The following DLG1 variants were observed in gnomAD, a reference collection of about 807,000 sequenced individuals.
The protein encoded by DLG1 is discs large MAGUK scaffold protein 1.
Under a neutral mutation model 123.4 loss-of-function variants are expected in DLG1, and 42 were observed. That is an observed-to-expected ratio of 0.34 (90% CI 0.27 to 0.44). DLG1 has a LOEUF of 0.44. Ranked by LOEUF, DLG1 falls within the 20% of genes least tolerant of loss-of-function variation. The pLI, the probability that DLG1 is intolerant of heterozygous loss-of-function variation, is 1.00. For missense variants in DLG1, 942 were observed against 1,082.6 expected, an observed-to-expected ratio of 0.87 and a Z score of 1.82; for synonymous variants, 317 against 356.2, an observed-to-expected ratio of 0.89 and a Z score of 1.24.
At chr3:197,052,370 G>A (rs984972222) in intron 23 of DLG1, among the ~76,000 whole-genome samples, 5 of 151,994 alleles carry the variant, frequency 3.3e-5, no homozygotes, top group Non-Finnish European at 5.9e-5. Context: ...CAGGAGAATC[G>A]CTTGAACCCA....
chr3:197,085,620 C>T lies in DLG1; in HGVS notation c.1798G>A (p.Gly600Ser), dbSNP rs752886711. ...ATCACTCCGACCTCATCGCTCTCACCATCTGGTGTAACCTGCCTGGCTTGC... is the reference window on the plus strand; with the variant it reads ...ATCACTCCGACCTCATCGCTCTCACTATCTGGTGTAACCTGCCTGGCTTGC... Reference protein sequence around the residue: ...WWQARQVTPDGESDEVGVIPS... With the variant: ...WWQARQVTPDSESDEVGVIPS... Residue 600 changes from glycine to serine, a missense_variant, in exon 16 of 25, where the codon GGT becomes AGT. Coordinates refer to ENST00000667157, the MANE Select transcript of DLG1 (RefSeq NM_001366207.1). 6.2e-7 allele frequency: 1 copy of T among 1,613,858 alleles called. No homozygotes were observed. The highest frequency in any genetic ancestry group is 8.5e-7 in the Non-Finnish European group (1 of 1,179,988).
chr3:197,204,388 C>A (rs991185504), intron 4 of DLG1, among the ~76,000 whole-genome samples: 2 of 152,204 alleles, frequency 1.3e-5, no homozygotes, highest in Non-Finnish European at 2.9e-5. Context: ...CACATCCAGA[C>A]AAACTGTTTT....
At chr3:197,063,718 A>G (rs560616707) in intron 22 of DLG1, among the ~76,000 whole-genome samples, 24 of 152,178 alleles carry the variant, frequency 1.6e-4, no homozygotes, top group Non-Finnish European at 3.2e-4. Flanking sequence ...GTTGGGGTAT[A>G]TCTTTGGAAT....
At chr3:197,200,911 C>T (rs534761600) in intron 4 of DLG1, among the ~76,000 whole-genome samples, 23 of 152,158 alleles carry the variant, frequency 1.5e-4, no homozygotes, top group Non-Finnish European at 2.9e-4. Flanking sequence ...AGCATTCCCT[C>T]TAAGAACTGG....
chr3:197,147,332 T>C (rs560231212), intron 6 of DLG1, among the ~76,000 whole-genome samples: 1 of 152,132 alleles, frequency 6.6e-6, no homozygotes, highest in Admixed American at 6.5e-5. Flanking sequence ...AAAAAGATAC[T>C]TGCACATGCA....
chr3:197,138,486 T>C, intron 8 of DLG1, 95 bp from the exon 9 acceptor site: 1 of 519,956 alleles, frequency 1.9e-6, no homozygotes, highest in Non-Finnish European at 2.7e-6. Context: ...TTTTTTAAGG[T>C]AAAGAGAATT....
At chr3:197,180,619 T>C (rs145946219) in intron 5 of DLG1, among the ~76,000 whole-genome samples, 5 of 152,100 alleles carry the variant, frequency 3.3e-5, no homozygotes, top group African/African-American at 1.2e-4. Context: ...TACAATGAAA[T>C]GATAAAACTG....
intron 15 of DLG1, 119 bp from the exon 16 acceptor site, chr3:197,085,875 G>T: frequency 2.3e-6 from 2 of 868,066 alleles, no homozygotes; most frequent in Non-Finnish European, 3.5e-6. Flanking sequence ...GCCAAATAAT[G>T]CCCAGTTCAA....
rs1721343627 is a variant in DLG1, at chr3:197,043,675, A to C, written c.*948T>G. On this transcript the variant is annotated 3_prime_UTR_variant, in exon 25 of 25. Transcript: ENST00000667157. ...TTATATATATATTTATATATATTTT[A>C]TTATAACAAAATAGGCAGCTATTGT... 1 of 151,264 alleles carries C rather than the reference A, an allele frequency of 6.6e-6. No individual in the cohort carries two copies. 9.4% of individuals were successfully genotyped at this position (151,264 alleles called of 1,614,324 possible). A position where few individuals can be genotyped will look rare whatever the true frequency, so the allele number is the denominator to read the frequency against.
chr3:197,066,803 G>C, intron 19 of DLG1, 49 bp from the exon 20 acceptor site: 1 of 1,273,798 alleles, frequency 7.9e-7, no homozygotes, highest in Non-Finnish European at 1.1e-6. Flanking sequence ...GATAATTGAT[G>C]CTAATCTAAT....
At chr3:197,291,483 T>C (rs1345922418) in intron 3 of DLG1, among the ~76,000 whole-genome samples, 2 of 152,224 alleles carry the variant, frequency 1.3e-5, no homozygotes, top group Admixed American at 6.5e-5. Context: ...GTGATTTCCA[T>C]CATCATAAAC....
In DLG1 at chr3:197,164,769, A is replaced by T. The variant is rs190486949; in HGVS notation, c.484-14973T>A. Among the ~76,000 whole-genome samples the T allele has an allele frequency of 2.5e-3, 378 of 151,646 alleles. 3 individuals are homozygous for T. The highest frequency in any genetic ancestry group is 9.0e-3 in the African/African-American group (373 of 41,376). Reference sequence around the variant, plus strand: ...AAAAAAAAAAAAGAAAAAAAATACAAAGATTAGCTAGGTGCGGTGGTGCAT... The same window carrying T: ...AAAAAAAAAAAAGAAAAAAAATACATAGATTAGCTAGGTGCGGTGGTGCAT... On this transcript the variant is annotated intron_variant, in intron 5 of 24. Coordinates refer to ENST00000667157, the MANE Select transcript of DLG1 (RefSeq NM_001366207.1).
At chr3:197,271,023 A>T (rs1178489183) in intron 4 of DLG1, among the ~76,000 whole-genome samples, 1 of 152,200 alleles carries the variant, frequency 6.6e-6, no homozygotes, top group East Asian at 1.9e-4. Context: ...AAAGAAGATA[A>T]GGAAGACTAT....
At chr3:197,109,285 G>A (rs1208186951) in intron 13 of DLG1, among the ~76,000 whole-genome samples, 1 of 152,218 alleles carries the variant, frequency 6.6e-6, no homozygotes, top group Non-Finnish European at 1.5e-5. Context: ...CACGAGGATT[G>A]CCTGAGTAAG....
intron 4 of DLG1, chr3:197,260,236 C>T (rs1278913785): frequency 2.4e-6 from 1 of 424,248 alleles, no homozygotes; most frequent in Admixed American, 2.6e-5. Flanking sequence ...CAATGAAATA[C>T]AGAAAAGCAT....
chr3:197,220,652 T>C (rs3010119), intron 4 of DLG1, among the ~76,000 whole-genome samples: 114,309 of 151,416 alleles, frequency 0.75, 43,247 homozygotes, highest in East Asian at 0.81. Context: ...ACTTTTTTCT[T>C]TGTACCCCAC....
At chr3:197,135,508 C>A (rs191662304) in intron 10 of DLG1, among the ~76,000 whole-genome samples, 2 of 152,274 alleles carry the variant, frequency 1.3e-5, no homozygotes, top group Non-Finnish European at 2.9e-5. Context: ...TCTGGTGAGT[C>A]AATTAAACCG....
At chr3:197,293,514 G>GT (rs1181550409) in intron 3 of DLG1, among the ~76,000 whole-genome samples, 1 of 152,044 alleles carries the variant, frequency 6.6e-6, no homozygotes, top group Non-Finnish European at 1.5e-5. Flanking sequence ...TTAACAGTTG[G>GT]TATTTTAGAA....
At chr3:197,197,450 C>T (rs1362999373) in intron 4 of DLG1, among the ~76,000 whole-genome samples, 1 of 152,194 alleles carries the variant, frequency 6.6e-6, no homozygotes, top group Non-Finnish European at 1.5e-5. Context: ...ACTTCACCTA[C>T]TATTTGGTTA....
Sources: allele counts gnomAD v4.1 joint callset (sites outside exome capture counted in the v4.1 genomes callset), GRCh38; gene constraint gnomAD v4.1.1; transcripts MANE v1.5; gene names NCBI Gene and HGNC (gene_info 2026-07-23, HGNC 2026-07-21).